The following BBIP1 variants were observed in gnomAD, a reference collection of about 807,000 sequenced individuals.
BBIP1 encodes the protein BBSome interacting protein 1.
Under a neutral mutation model 8.9 loss-of-function variants are expected in BBIP1, and 6 were observed. That is an observed-to-expected ratio of 0.67 (90% CI 0.37 to 1.33). BBIP1 has a LOEUF of 1.33. BBIP1 is among the 40% of genes most tolerant of loss of function. BBIP1 has a pLI of 0.02. For synonymous variants in BBIP1, 32 were observed against 33.4 expected (o/e 0.96, Z 0.14); for missense variants, 111 against 109.2 (o/e 1.02, Z -0.07).
chr10:110,918,314 G>A, intron 1 of BBIP1, 101 bp from the exon 2 acceptor site: 3 of 627,708 alleles, frequency 4.8e-6, no homozygotes, highest in East Asian at 2.8e-5. Context: ...TAGACCTGCA[G>A]GAATCCCACC....
intron 2 of BBIP1, among the ~76,000 whole-genome samples, chr10:110,915,072 G>A (rs922800590): frequency 1.8e-4 from 27 of 152,262 alleles, no homozygotes; most frequent in Admixed American, 1.0e-3. Flanking sequence ...CCAAATCATC[G>A]CATCAAAACT....
In BBIP1 at chr10:110,900,384, C is replaced by A; in HGVS notation, c.255G>T (p.Lys85Asn). The A allele has an allele frequency of 6.5e-7, 1 of 1,535,088 alleles. No individual in the cohort carries two copies. Among genetic ancestry groups the A allele is most frequent in the African/African-American group, 1.4e-5 (1 of 73,124 alleles). ...TTCAGTGGGTTATTTGCCGTTGATC[C>A]TTTTCTGCCATTTCTTGTTGGCGAA... ...NTIRQQEMAE[K>N]DQRQITH Residue 85 changes from lysine (K) to asparagine (N), a missense_variant, in exon 4 of 4, where the codon AAG becomes AAT. By Grantham distance (94) the Lys-to-Asn change is moderately conservative. Coordinates refer to ENST00000448814, the MANE Select transcript of BBIP1 (RefSeq NM_001195305.3).
At chr10:110,915,991 A>G (rs1398001353) in intron 2 of BBIP1, among the ~76,000 whole-genome samples, 1 of 152,228 alleles carries the variant, frequency 6.6e-6, no homozygotes. Context: ...GGTGTGAGCC[A>G]CACCTGGCAA....
In BBIP1 at chr10:110,900,522, T is replaced by C. The variant is rs769560942; in HGVS notation, c.117A>G (p.Pro39=). ...MFREVLPKQG[P]LFVEDIMTMV... ...TTGTCATTATATCTTCCACAAACAG[T>C]GGCCCTAAGTTTAACAAGAAATAAG... Residue 39 remains proline, a synonymous_variant, in exon 4 of 4, where the codon CCA becomes CCG. Transcript: ENST00000448814. 3 of 1,517,746 alleles carry C rather than the reference T, an allele frequency of 2.0e-6. No homozygotes were observed. The highest frequency in any genetic ancestry group is 2.6e-6 in the Non-Finnish European group (3 of 1,139,748). The allele number at this position is 1,517,746 out of a possible 1,614,324, so 94.0% of individuals were successfully genotyped here.
At chr10:110,909,907 T>A (rs1014224848) in intron 2 of BBIP1, among the ~76,000 whole-genome samples, 4 of 152,212 alleles carry the variant, frequency 2.6e-5, no homozygotes, top group African/African-American at 9.6e-5. Flanking sequence ...ACAAACATAC[T>A]AAATGTCTAT....
chr10:110,898,759 A>G lies in BBIP1; in HGVS notation c.*1601T>C, dbSNP rs1486371655. ...GCAGTATTGATTCTTTATTGGGAGT[A>G]CATTTTTTTAGGTCTCTTAAACTTT... On this transcript the variant is annotated 3_prime_UTR_variant, in exon 4 of 4. Transcript: ENST00000448814. 6.6e-6 allele frequency: 1 copy of G among 152,638 alleles called. No homozygotes were observed. Among genetic ancestry groups the G allele is most frequent in the Non-Finnish European group, 1.5e-5 (1 of 68,026 alleles). 9.5% of individuals were successfully genotyped at this position (152,638 alleles called of 1,614,324 possible). A position where few individuals can be genotyped will look rare whatever the true frequency, so the allele number is the denominator to read the frequency against.
chr10:110,900,681 A>C, intron 3 of BBIP1, 155 bp from the exon 4 acceptor site: 2 of 624,328 alleles, frequency 3.2e-6, no homozygotes, highest in South Asian at 2.4e-5. Flanking sequence ...CAGAAAGATC[A>C]TTGTCATTCT....
At chr10:110,904,218 T>C (rs1777879356) in intron 2 of BBIP1, 1 of 152,096 alleles carries the variant, frequency 6.6e-6, no homozygotes, top group African/African-American at 2.4e-5. Flanking sequence ...TATTCTACAA[T>C]TGCCATGGCC....
chr10:110,903,810 A>G (rs537221024), intron 2 of BBIP1: 23 of 152,360 alleles, frequency 1.5e-4, no homozygotes, highest in African/African-American at 4.8e-4. Flanking sequence ...CCTAGGCTAT[A>G]AACTTGTACA....
intron 2 of BBIP1, among the ~76,000 whole-genome samples, chr10:110,910,339 T>C (rs1846246753): frequency 6.6e-6 from 1 of 152,178 alleles, no homozygotes; most frequent in African/African-American, 2.4e-5. Flanking sequence ...GGTATTGTGG[T>C]GGGACTGACC....
At chr10:110,915,289 T>C (rs1846375941) in intron 2 of BBIP1, among the ~76,000 whole-genome samples, 2 of 152,150 alleles carry the variant, frequency 1.3e-5, no homozygotes, top group Admixed American at 6.5e-5. Flanking sequence ...CCCAGGTAGC[T>C]GCGACTACAG....
chr10:110,901,718 G>A (rs1481559228), intron 2 of BBIP1, 106 bp from the exon 3 acceptor site: 35 of 810,344 alleles, frequency 4.3e-5, no homozygotes, highest in African/African-American at 8.5e-5. Flanking sequence ...TATAGAAAGT[G>A]AACTACCCTA....
intron 2 of BBIP1, chr10:110,904,165 G>A (rs1020743675): frequency 1.3e-5 from 2 of 152,176 alleles, no homozygotes; most frequent in African/African-American, 4.8e-5. Context: ...AGGGACAGAT[G>A]GGCCAAGGGA....
At chr10:110,917,387 T>C (rs1305089915) in intron 2 of BBIP1, among the ~76,000 whole-genome samples, 2 of 152,036 alleles carry the variant, frequency 1.3e-5, no homozygotes, top group Non-Finnish European at 2.9e-5. Flanking sequence ...AAGGGTGTCT[T>C]GCCTAACAAT....
intron 3 of BBIP1, 105 bp from the exon 4 acceptor site, chr10:110,900,631 T>C: frequency 2.2e-6 from 2 of 930,176 alleles, no homozygotes; most frequent in Non-Finnish European, 3.1e-6. Flanking sequence ...CTCTTGTCAC[T>C]GAAAAACTCT....
intron 2 of BBIP1, among the ~76,000 whole-genome samples, chr10:110,908,906 A>G (rs1164468107): frequency 6.6e-6 from 1 of 152,228 alleles, no homozygotes; most frequent in African/African-American, 2.4e-5. Flanking sequence ...TTTAAGAATG[A>G]GAATGACCTG....
chr10:110,903,043 T>C (rs1026574995), intron 2 of BBIP1: 10 of 152,108 alleles, frequency 6.6e-5, no homozygotes, highest in African/African-American at 2.4e-4. Flanking sequence ...AGTGAAAATA[T>C]TCATTATGAT....
At chr10:110,908,610 A>G (rs1330481291) in intron 2 of BBIP1, among the ~76,000 whole-genome samples, 1 of 152,226 alleles carries the variant, frequency 6.6e-6, no homozygotes, top group Non-Finnish European at 1.5e-5. Context: ...GCATAATGCA[A>G]TATAAGTTCT....
At chr10:110,914,857 C>T (rs1315430389) in intron 2 of BBIP1, among the ~76,000 whole-genome samples, 2 of 152,158 alleles carry the variant, frequency 1.3e-5, no homozygotes. Flanking sequence ...AATGATACAT[C>T]CTACTCATGC....
Sources: allele counts gnomAD v4.1 joint callset (sites outside exome capture counted in the v4.1 genomes callset), GRCh38; gene constraint gnomAD v4.1.1; transcripts MANE v1.5; gene names NCBI Gene and HGNC (gene_info 2026-07-23, HGNC 2026-07-21).